Variants in NDUFAF2 observed in about 807,000 individuals in gnomAD.
The protein encoded by NDUFAF2 is NADH dehydrogenase [ubiquinone] 1 alpha subcomplex assembly factor 2.
Under a neutral mutation model 22.8 loss-of-function variants are expected in NDUFAF2, and 13 were observed. The observed-to-expected ratio is 0.57, with a 90% CI of 0.37 to 0.91. The LOEUF (loss-of-function observed/expected upper bound fraction) is 0.91. Ranked by LOEUF, NDUFAF2 falls within the 40% of genes least tolerant of loss-of-function variation. NDUFAF2 has a pLI of 0.01. For synonymous variants in NDUFAF2, 53 were observed against 64.2 expected, an observed-to-expected ratio of 0.83 and a Z score of 0.84; for missense variants, 162 against 195.2, an observed-to-expected ratio of 0.83 and a Z score of 1.01.
chr5:60,977,471 GA>G (rs1157794119), intron 1 of NDUFAF2, among the ~76,000 whole-genome samples: 15 of 152,146 alleles, frequency 9.9e-5, no homozygotes, highest in Middle Eastern at 3.4e-3. Flanking sequence ...GGTTGTTGGA[GA>G]TTGGTATATA....
At chr5:61,111,762 G>T (rs987237903) in intron 3 of NDUFAF2, among the ~76,000 whole-genome samples, 1 of 151,974 alleles carries the variant, frequency 6.6e-6, no homozygotes, top group Non-Finnish European at 1.5e-5. Context: ...GGGACTACAG[G>T]CAGGTGCCAC....
intron 1 of NDUFAF2, among the ~76,000 whole-genome samples, chr5:61,014,591 T>C (rs1386924172): frequency 1.3e-5 from 2 of 152,148 alleles, no homozygotes; most frequent in Non-Finnish European, 2.9e-5. Context: ...GTGACCTGTG[T>C]CTGAAGTACC....
At chr5:61,006,963 C>T (rs987673022) in intron 1 of NDUFAF2, among the ~76,000 whole-genome samples, 12 of 151,916 alleles carry the variant, frequency 7.9e-5, no homozygotes, top group African/African-American at 2.6e-4. Flanking sequence ...TCTTAAAGAA[C>T]GGATTTTTTT....
intron 1 of NDUFAF2, among the ~76,000 whole-genome samples, chr5:61,060,872 G>A (rs40421): frequency 1.3e-5 from 2 of 151,998 alleles, no homozygotes; most frequent in Admixed American, 6.5e-5. Flanking sequence ...CCTCCTCCAC[G>A]GTCTTAGATA....
chr5:61,122,727 A>C (rs1372538705), intron 3 of NDUFAF2, among the ~76,000 whole-genome samples: 7 of 152,164 alleles, frequency 4.6e-5, no homozygotes, highest in Non-Finnish European at 8.8e-5. Context: ...GTAAATTCTC[A>C]ATTTCAGTGG....
chr5:60,969,477 CT>C (rs1424670435), intron 1 of NDUFAF2, among the ~76,000 whole-genome samples: 4 of 151,966 alleles, frequency 2.6e-5, no homozygotes, highest in African/African-American at 9.7e-5. Flanking sequence ...TGTTGTGCAC[CT>C]TTTCATATAC....
At chr5:61,145,159 G>A (rs372847059) in intron 3 of NDUFAF2, among the ~76,000 whole-genome samples, 6 of 152,134 alleles carry the variant, frequency 3.9e-5, no homozygotes, top group African/African-American at 1.4e-4. Flanking sequence ...GCAAGTTGCA[G>A]CATTGAATGC....
At chr5:60,967,125 GA>G (rs995230886) in intron 1 of NDUFAF2, among the ~76,000 whole-genome samples, 9 of 151,936 alleles carry the variant, frequency 5.9e-5, no homozygotes, top group African/African-American at 2.2e-4. Flanking sequence ...AAATGGAATT[GA>G]TTTTTTTATT....
intron 2 of NDUFAF2, among the ~76,000 whole-genome samples, chr5:61,077,986 C>T (rs1752390799): frequency 6.6e-6 from 1 of 152,174 alleles, no homozygotes; most frequent in Non-Finnish European, 1.5e-5. Context: ...ATACTGCCTA[C>T]ATCATTTATA....
At chr5:61,132,661 A>G (rs1457425159) in intron 3 of NDUFAF2, among the ~76,000 whole-genome samples, 3 of 151,582 alleles carry the variant, frequency 2.0e-5, no homozygotes, top group African/African-American at 7.3e-5. Context: ...CCTCCCTTTT[A>G]CCTTTCCTTC....
At chr5:60,962,831 T>TA (rs76616114) in intron 1 of NDUFAF2, among the ~76,000 whole-genome samples, 2,273 of 143,334 alleles carry the variant, frequency 0.016, 56 homozygotes, top group African/African-American at 0.05. Flanking sequence ...GACTGCATCT[T>TA]AAAAAAAAAA....
intron 1 of NDUFAF2, among the ~76,000 whole-genome samples, chr5:61,040,302 G>GCC (rs1491236283): frequency 6.8e-6 from 1 of 146,368 alleles, no homozygotes; most frequent in South Asian, 2.2e-4. Flanking sequence ...GCGCGCGCGC[G>GCC]AAAGTTGAAA....
chr5:61,046,239 C>T (rs1429657929), intron 1 of NDUFAF2, among the ~76,000 whole-genome samples: 2 of 152,012 alleles, frequency 1.3e-5, no homozygotes, highest in Non-Finnish European at 2.9e-5. Flanking sequence ...AGGAATTTTG[C>T]ATTTGTGTTC....
At chr5:60,979,262 T>G (rs1303913870) in intron 1 of NDUFAF2, among the ~76,000 whole-genome samples, 3 of 152,142 alleles carry the variant, frequency 2.0e-5, no homozygotes, top group Non-Finnish European at 4.4e-5. Flanking sequence ...GTAATGACTT[T>G]TTCTACTTGA....
chr5:61,073,134 T>C lies in NDUFAF2; in HGVS notation c.137T>C (p.Ile46Thr). 6.2e-7 allele frequency: 1 copy of C among 1,609,544 alleles called. No individual in the cohort carries two copies. The highest frequency in any genetic ancestry group is 8.5e-7 in the Non-Finnish European group (1 of 1,176,232). The change falls in exon 2 of 4, where the codon ATT (isoleucine) becomes ACT (threonine). Residue 46 changes from isoleucine to threonine, a missense_variant. Physicochemically the swap from Ile to Thr is moderately conservative, Grantham distance 89 (BLOSUM62 -1). This residue lies in a region of NDUFAF2 where 94 missense variants were observed against 85.2 expected (regional missense o/e 1.10). Transcript: ENST00000296597. ...PQYKNWRGQT[I>T]REKRIVEAAN... ...GACTTTTGTCTTATAGGACAAACTA[T>C]TCGAGAGAAAAGAATTGTAGAAGCA...
intron 3 of NDUFAF2, among the ~76,000 whole-genome samples, chr5:61,111,079 T>G (rs1217532941): frequency 2.6e-5 from 4 of 152,224 alleles, no homozygotes; most frequent in African/African-American, 9.6e-5. Context: ...GACCCACTGA[T>G]CTTTCAAGGA....
intron 1 of NDUFAF2, among the ~76,000 whole-genome samples, chr5:60,999,460 G>T (rs923481825): frequency 6.6e-6 from 1 of 152,036 alleles, no homozygotes; most frequent in African/African-American, 2.4e-5. Flanking sequence ...AAGTAAAGAA[G>T]CCAGACACAA....
At chr5:61,138,089 G>T (rs937676366) in intron 3 of NDUFAF2, among the ~76,000 whole-genome samples, 1 of 152,226 alleles carries the variant, frequency 6.6e-6, no homozygotes, top group African/African-American at 2.4e-5. Context: ...ATTCACTGCA[G>T]CTGGGAAGCA....
intron 1 of NDUFAF2, among the ~76,000 whole-genome samples, chr5:61,010,363 C>G (rs1751427676): frequency 6.6e-6 from 1 of 152,126 alleles, no homozygotes; most frequent in African/African-American, 2.4e-5. Context: ...TCCCTTTGCT[C>G]TCTATCCTTC....
Sources: gnomAD v4.1 joint callset for allele counts (sites outside exome capture counted in the v4.1 genomes callset) on GRCh38, gnomAD v4.1.1 for gene constraint, gnomAD v4.1.1 regional missense constraint, MANE v1.5 for transcripts, NCBI Gene and HGNC (gene_info 2026-07-23, HGNC 2026-07-21) for gene names.